NPSR1: variants seen among roughly 807,000 people sequenced by gnomAD.
The protein encoded by NPSR1 is neuropeptide S receptor.
In NPSR1, 48 loss-of-function variants were observed where a neutral mutation model predicts 46.9. That is an observed-to-expected ratio of 1.02 (90% CI 0.81 to 1.30). The LOEUF is 1.30. Among genes scored for constraint, NPSR1 ranks in the 50% most tolerant of loss-of-function variants. The probability of loss-of-function intolerance (pLI) is 0.00; values close to 1 mark genes in which losing one functional copy is unlikely to be tolerated. For missense variants in NPSR1, 450 were observed against 449.5 expected, an observed-to-expected ratio of 1.00 and a Z score of -0.01; for synonymous variants, 176 against 168.1, an observed-to-expected ratio of 1.05 and a Z score of -0.36.
intron 2 of NPSR1, among the ~76,000 whole-genome samples, chr7:34,741,480 A>G (rs569491533): frequency 1.3e-5 from 2 of 152,130 alleles, no homozygotes; most frequent in Admixed American, 1.3e-4. Context: ...GTTTGTCCTG[A>G]CTGTTATCAC....
chr7:34,819,069 G>C (rs1037893181), intron 4 of NPSR1, among the ~76,000 whole-genome samples: 1 of 152,160 alleles, frequency 6.6e-6, no homozygotes, highest in Non-Finnish European at 1.5e-5. Flanking sequence ...ATTGACAAAT[G>C]GGATCTAATT....
chr7:34,823,478 T>TGG (rs1789674066), intron 4 of NPSR1, among the ~76,000 whole-genome samples: 1 of 149,890 alleles, frequency 6.7e-6, no homozygotes, highest in Non-Finnish European at 1.5e-5. Flanking sequence ...ATTAAAGAAT[T>TGG]GCAAAATTGA....
chr7:34,874,481 G>A (rs766244373), intron 8 of NPSR1, among the ~76,000 whole-genome samples: 1 of 152,128 alleles, frequency 6.6e-6, no homozygotes, highest in Non-Finnish European at 1.5e-5. Context: ...TTGGGGGTGG[G>A]GGTGTCATTT....
rs182197704 is a variant in NPSR1 at position 34,860,851 on chromosome 7, C to T, written c.1025+12188C>T. ...ACTTGGCCCCTCCTTCCCCACTCTC[C>T]CCACTCCCATCCTAGTTTTGGACCA... On this transcript the variant is annotated intron_variant, in intron 8 of 8. Transcript: ENST00000359791. Among the ~76,000 whole-genome samples the T allele has an allele frequency of 3.2e-3, 483 of 151,972 alleles. 2 individuals carry two copies. The highest frequency in any genetic ancestry group is 5.2e-3 in the Non-Finnish European group (355 of 68,032).
At chr7:34,828,455 G>A (rs1789961370) in intron 5 of NPSR1, among the ~76,000 whole-genome samples, 1 of 152,234 alleles carries the variant, frequency 6.6e-6, no homozygotes, top group Non-Finnish European at 1.5e-5. Flanking sequence ...TCAAGGTAGG[G>A]TCTCACTTGG....
intron 2 of NPSR1, among the ~76,000 whole-genome samples, chr7:34,733,878 A>C (rs1038551236): frequency 6.6e-6 from 1 of 152,174 alleles, no homozygotes; most frequent in Non-Finnish European, 1.5e-5. Context: ...AATGCCGAGG[A>C]CTACTTTGGT....
At chr7:34,734,110 C>T (rs750461213) in intron 2 of NPSR1, among the ~76,000 whole-genome samples, 9 of 152,122 alleles carry the variant, frequency 5.9e-5, no homozygotes, top group African/African-American at 1.9e-4. Flanking sequence ...ACTTAGGAAA[C>T]GAATTTAATA....
At chr7:34,769,064 T>G (rs1045589659) in intron 2 of NPSR1, among the ~76,000 whole-genome samples, 2 of 152,216 alleles carry the variant, frequency 1.3e-5, no homozygotes, top group Non-Finnish European at 2.9e-5. Context: ...ATGTTATTAT[T>G]GATGTGTTTG....
In NPSR1 at chr7:34,775,058, A is replaced by C. The variant is rs139930666; in HGVS notation, c.281-3404A>C. 3.9e-5 allele frequency among the ~76,000 whole-genome samples: 6 copies of C among 152,298 alleles called. No individual in the cohort carries two copies. In the East Asian group the frequency reaches 1.2e-3, roughly 29 times the overall value. ...ATGTGGCATGTTCCTGAATTTTCAC[A>C]GGGTTTGTCTCTCACCCTCCAGAGT... is the stretch of plus-strand genomic sequence containing the variant. On this transcript the variant is annotated intron_variant, in intron 2 of 8. Coordinates refer to ENST00000360581, the MANE Select transcript of NPSR1 (RefSeq NM_207172.2).
At chr7:34,825,923 T>C (rs1208866650) in intron 4 of NPSR1, among the ~76,000 whole-genome samples, 1 of 152,196 alleles carries the variant, frequency 6.6e-6, no homozygotes, top group African/African-American at 2.4e-5. Context: ...CTGGACTTCC[T>C]ACTTGAAGCA....
intron 8 of NPSR1, among the ~76,000 whole-genome samples, chr7:34,860,509 G>T (rs1439546541): frequency 6.6e-6 from 1 of 151,746 alleles, no homozygotes; most frequent in Non-Finnish European, 1.5e-5. Flanking sequence ...AGTGAGAAAA[G>T]TGACATTGTT....
intron 3 of NPSR1, among the ~76,000 whole-genome samples, chr7:34,806,829 A>G (rs1328383316): frequency 1.3e-5 from 2 of 152,120 alleles, no homozygotes; most frequent in Non-Finnish European, 2.9e-5. Flanking sequence ...CTATTTTCTT[A>G]AAGTCAGTCC....
intron 3 of NPSR1, among the ~76,000 whole-genome samples, chr7:34,785,218 C>A: frequency 6.6e-6 from 1 of 151,836 alleles, no homozygotes; most frequent in Admixed American, 6.6e-5. Context: ...AGGATGAGTT[C>A]ATGTCCTTTG....
At chr7:34,822,220 G>A (rs1789592510) in intron 4 of NPSR1, among the ~76,000 whole-genome samples, 1 of 152,186 alleles carries the variant, frequency 6.6e-6, no homozygotes, top group Non-Finnish European at 1.5e-5. Context: ...TAGTACCGCA[G>A]CTTGTCAGAA....
intron 8 of NPSR1, among the ~76,000 whole-genome samples, chr7:34,868,275 G>A (rs1791366231): frequency 6.6e-6 from 1 of 151,558 alleles, no homozygotes; most frequent in Non-Finnish European, 1.5e-5. Context: ...CAGCCCTGGG[G>A]AGGGAGGGAC....
chr7:34,746,899 G>T (rs745654583), intron 2 of NPSR1, among the ~76,000 whole-genome samples: 3 of 152,096 alleles, frequency 2.0e-5, no homozygotes, highest in Non-Finnish European at 4.4e-5. Flanking sequence ...GGCCGAGGCA[G>T]GTGGATCACG....
chr7:34,877,498 A>G (rs71537654), intron 8 of NPSR1, among the ~76,000 whole-genome samples: 5,288 of 152,310 alleles, frequency 0.035, 125 homozygotes, highest in Non-Finnish European at 0.051. Context: ...ATGGAGGTCA[A>G]GGTCAGAGGC....
At chr7:34,768,384 G>C (rs1167724770) in intron 2 of NPSR1, 1 of 152,100 alleles carries the variant, frequency 6.6e-6, no homozygotes, top group Non-Finnish European at 1.5e-5. Flanking sequence ...AAGTTCTTCT[G>C]ACAGAGGAAT....
intron 3 of NPSR1, among the ~76,000 whole-genome samples, chr7:34,779,387 T>C (rs1438496188): frequency 6.6e-6 from 1 of 152,030 alleles, no homozygotes; most frequent in Admixed American, 6.6e-5. Context: ...ATGCTAGTAC[T>C]TCAGGTCTAA....
Sources: allele counts gnomAD v4.1 joint callset (sites outside exome capture counted in the v4.1 genomes callset), GRCh38; gene constraint gnomAD v4.1.1; transcripts MANE v1.5; gene names NCBI Gene and HGNC (gene_info 2026-07-23, HGNC 2026-07-21).